The following TCF4 variants were observed in gnomAD, a reference collection of about 807,000 sequenced individuals.
TCF4 encodes the protein transcription factor 4.
In TCF4, 3 loss-of-function variants were observed where a neutral mutation model predicts 82.1. The ratio of observed to expected loss-of-function variants is 0.04; its 90% CI spans 0.02 to 0.09. The LOEUF is 0.09. TCF4 is among the 10% of genes least tolerant of loss of function. The pLI, the probability that TCF4 is intolerant of heterozygous loss-of-function variation, is 1.00. For synonymous variants in TCF4, 276 were observed against 309.6 expected (o/e 0.89, Z 1.14); for missense variants, 518 against 852.7 (o/e 0.61, Z 4.89).
At chr18:55,632,515 G>C (rs1403411798) in intron 1 of TCF4, among the ~76,000 whole-genome samples, 1 of 152,122 alleles carries the variant, frequency 6.6e-6, no homozygotes, top group Non-Finnish European at 1.5e-5. Flanking sequence ...CCAAGTCTTA[G>C]GTAGGATGAA....
intron 3 of TCF4, among the ~76,000 whole-genome samples, chr18:55,560,965 T>C (rs2097350166): frequency 6.6e-6 from 1 of 152,262 alleles, no homozygotes; most frequent in African/African-American, 2.4e-5. Context: ...ATTCCATGGT[T>C]CTGAATATGT....
intron 1 of TCF4, among the ~76,000 whole-genome samples, chr18:55,587,742 C>A (rs1029671502): frequency 4.0e-5 from 6 of 150,044 alleles, no homozygotes; most frequent in Middle Eastern, 3.4e-3. Flanking sequence ...AGTGGAGGGT[C>A]GGGTCCTCTA....
intron 9 of TCF4, among the ~76,000 whole-genome samples, chr18:55,278,252 C>T (rs902306734): frequency 6.6e-6 from 1 of 152,188 alleles, no homozygotes; most frequent in Non-Finnish European, 1.5e-5. Flanking sequence ...GCTCCCCTTC[C>T]TGTGACATGG....
intron 3 of TCF4, among the ~76,000 whole-genome samples, chr18:55,512,440 C>T (rs917877445): frequency 1.3e-5 from 2 of 152,036 alleles, no homozygotes; most frequent in African/African-American, 4.8e-5. Flanking sequence ...AGAATCTACA[C>T]AGTAATCAAA....
At chr18:55,537,605 T>A (rs1163987452) in intron 3 of TCF4, among the ~76,000 whole-genome samples, 1 of 151,842 alleles carries the variant, frequency 6.6e-6, no homozygotes, top group East Asian at 1.9e-4. Flanking sequence ...AAAATAATAA[T>A]AAAAAAATTA....
At chr18:55,388,144 G>A (rs995000964) in intron 6 of TCF4, among the ~76,000 whole-genome samples, 14 of 152,128 alleles carry the variant, frequency 9.2e-5, no homozygotes, top group African/African-American at 3.1e-4. Flanking sequence ...CTACAACAAG[G>A]TTACAAAATT....
chr18:55,532,371 G>A (rs1288214630), intron 3 of TCF4, among the ~76,000 whole-genome samples: 2 of 152,150 alleles, frequency 1.3e-5, no homozygotes, highest in African/African-American at 4.8e-5. Context: ...AACTTCTAAG[G>A]AGCTGTCTAG....
At chr18:55,457,825 T>C (rs557313554) in intron 5 of TCF4, among the ~76,000 whole-genome samples, 24 of 152,296 alleles carry the variant, frequency 1.6e-4, no homozygotes, top group African/African-American at 5.3e-4. Context: ...ATCTGTAAAA[T>C]GCAAAACCAT....
upstream of TCF4, among the ~76,000 whole-genome samples, chr18:55,592,776 G>A (rs1336598375): frequency 6.6e-6 from 1 of 152,182 alleles, no homozygotes; most frequent in African/African-American, 2.4e-5. Context: ...AGCAAGCTAA[G>A]CCATGTGAGA....
chr18:55,259,756 A>G, intron 13 of TCF4, 193 bp downstream of exon 13: 1 of 572,602 alleles, frequency 1.7e-6, no homozygotes, highest in South Asian at 2.5e-5. Flanking sequence ...TTTTAAGAAA[A>G]GGTTTGGATG....
Position 55,631,232 on chromosome 18 carries a change from T to G in TCF4, c.286+66A>C, listed in dbSNP as rs150004184. The G allele has an allele frequency of 1.3e-4, 90 of 684,364 alleles. No individual in the cohort carries two copies. The African/African-American group carries it at 1.6e-3, about 12-fold the overall frequency. 42.4% of individuals were successfully genotyped at this position (684,364 alleles called of 1,614,324 possible). On this transcript the variant is annotated intron_variant, in intron 2 of 20. Transcript: ENST00000398339. The stretch of plus-strand genomic sequence containing the variant: ...ACCCAGCTAATTTCTGTGTTTTTAG[T>G]AGAGACAGGATTTCATCATGTTGGC...
chr18:55,252,546 G>T (rs1211205269), intron 15 of TCF4, among the ~76,000 whole-genome samples: 3 of 151,840 alleles, frequency 2.0e-5, no homozygotes, highest in African/African-American at 7.3e-5. Flanking sequence ...CTCTGAATCT[G>T]ACTCAAAAAG....
intron 5 of TCF4, among the ~76,000 whole-genome samples, chr18:55,454,906 G>C (rs1351275259): frequency 6.6e-6 from 1 of 152,120 alleles, no homozygotes; most frequent in Non-Finnish European, 1.5e-5. Context: ...TCAATTCTTG[G>C]CTGGGCGTGG....
At chr18:55,539,184 G>A (rs1005854585) in intron 3 of TCF4, among the ~76,000 whole-genome samples, 2 of 152,058 alleles carry the variant, frequency 1.3e-5, no homozygotes, top group African/African-American at 4.8e-5. Flanking sequence ...CAGATCTATG[G>A]GCCCTAAGGG....
At chr18:55,515,633 G>A (rs1271408219) in intron 3 of TCF4, among the ~76,000 whole-genome samples, 1 of 152,184 alleles carries the variant, frequency 6.6e-6, no homozygotes, top group Non-Finnish European at 1.5e-5. Flanking sequence ...AGGTAAAGCA[G>A]TAGAAAGGTC....
At chr18:55,430,464 A>T (rs2095153632) in intron 5 of TCF4, among the ~76,000 whole-genome samples, 1 of 152,206 alleles carries the variant, frequency 6.6e-6, no homozygotes, top group Admixed American at 6.5e-5. Flanking sequence ...CTCCCAATTT[A>T]AAAATGACAC....
rs781150808 is a variant in TCF4 at position 55,293,931 on chromosome 18, C to CTTTTTTTTTTTTTTT, written c.550-14290_550-14276dup. ...TTTCATCTTCTAAACTTTCCAAGGA[C>CTTTTTTTTTTTTTTT]TTTTTTTTTTTTTTTTTTTTTTTTT... On this transcript the variant is annotated intron_variant, in intron 8 of 19. Coordinates refer to ENST00000354452, the MANE Select transcript of TCF4 (RefSeq NM_001083962.2). Among the ~76,000 whole-genome samples the CTTTTTTTTTTTTTTT allele has an allele frequency of 7.2e-4, 29 of 40,056 alleles. 6 individuals carry two copies. The highest frequency in any genetic ancestry group is 1.4e-3 in the East Asian group (1 of 710). The allele number at this position is 40,056 out of a possible 152,430, so 26.3% of individuals were successfully genotyped here. A position where few individuals can be genotyped will look rare whatever the true frequency, so the allele number is the denominator to read the frequency against.
chr18:55,437,345 T>A (rs1375703032), intron 5 of TCF4, among the ~76,000 whole-genome samples: 2 of 152,204 alleles, frequency 1.3e-5, no homozygotes, highest in African/African-American at 4.8e-5. Context: ...GGCCAGTAGA[T>A]TAAATCTATC....
chr18:55,339,586 A>C (rs75996085), intron 8 of TCF4, among the ~76,000 whole-genome samples: 115 of 152,274 alleles, frequency 7.6e-4, no homozygotes, highest in African/African-American at 2.7e-3. Context: ...TTCCCGAGGA[A>C]TCTAACTCAG....
Sources: gnomAD v4.1 joint callset for allele counts (sites outside exome capture counted in the v4.1 genomes callset) on GRCh38, gnomAD v4.1.1 for gene constraint, MANE v1.5 for transcripts, NCBI Gene and HGNC (gene_info 2026-07-23, HGNC 2026-07-21) for gene names.